Variants in TET1 observed in about 807,000 individuals in gnomAD.
TET1 encodes the protein tet methylcytosine dioxygenase 1.
Under a neutral mutation model 148.7 loss-of-function variants are expected in TET1, and 13 were observed. The observed-to-expected ratio is 0.09, with a 90% CI of 0.06 to 0.14. TET1 has a LOEUF of 0.14. TET1 is among the 10% of genes least tolerant of loss of function. The pLI is 1.00. For synonymous variants in TET1, 907 were observed against 937.2 expected, an observed-to-expected ratio of 0.97 and a Z score of 0.59; for missense variants, 2,182 against 2,553.8, an observed-to-expected ratio of 0.85 and a Z score of 3.14.
At chr10:68,659,277 G>C (rs1412299581) in intron 6 of TET1, among the ~76,000 whole-genome samples, 1 of 137,816 alleles carries the variant, frequency 7.3e-6, no homozygotes, top group Non-Finnish European at 1.6e-5. Flanking sequence ...GTTCCCCTCT[G>C]TGCGATTGTG....
intron 3 of TET1, among the ~76,000 whole-genome samples, chr10:68,614,253 T>A (rs1399703271): frequency 6.6e-6 from 1 of 152,196 alleles, no homozygotes; most frequent in Admixed American, 6.6e-5. Context: ...CTATGCATTA[T>A]CACAAATGAT....
At chr10:68,635,795 C>T (rs2054640913) in intron 3 of TET1, among the ~76,000 whole-genome samples, 1 of 152,052 alleles carries the variant, frequency 6.6e-6, no homozygotes, top group Non-Finnish European at 1.5e-5. Context: ...GTTTACAGAC[C>T]AGCCTAGGCA....
intron 11 of TET1, among the ~76,000 whole-genome samples, chr10:68,688,715 G>A (rs1452543799): frequency 6.6e-6 from 1 of 152,146 alleles, no homozygotes; most frequent in Non-Finnish European, 1.5e-5. Context: ...TGGGATTACA[G>A]GCGTGAGCCA....
chr10:68,669,262 A>G (rs199615542), intron 7 of TET1, among the ~76,000 whole-genome samples: 1 of 143,132 alleles, frequency 7.0e-6, no homozygotes, highest in African/African-American at 2.5e-5. Flanking sequence ...CAAAAAAAAA[A>G]CAGTTCACAA....
Position 68,651,884 on chromosome 10 carries a change from C to T in TET1, c.4315C>T (p.His1439Tyr). 1 of 1,613,890 alleles carries T rather than the reference C, an allele frequency of 6.2e-7. No individual in the cohort carries two copies. The highest frequency in any genetic ancestry group is 8.5e-7 in the Non-Finnish European group (1 of 1,179,938). The change falls in exon 5 of 12, where the codon CAC (histidine) becomes TAC (tyrosine). Residue 1439 changes from histidine (H) to tyrosine (Y), a missense_variant. Coordinates refer to ENST00000373644, the MANE Select transcript of TET1 (RefSeq NM_030625.3). ...AAAAGACAAAGGCCCATATTATACA[C>T]ACCTTGGGGCAGGACCAAGTGTTGC... is the stretch of plus-strand genomic sequence containing the variant. ...IQKDKGPYYT[H>Y]LGAGPSVAAV...
intron 3 of TET1, among the ~76,000 whole-genome samples, chr10:68,633,185 A>G (rs931542160): frequency 1.2e-4 from 18 of 151,986 alleles, no homozygotes; most frequent in African/African-American, 4.3e-4. Context: ...CCTCATCTCA[A>G]AAAAAACAAA....
chr10:68,641,657 C>T (rs2054756802), intron 3 of TET1, among the ~76,000 whole-genome samples: 1 of 56,758 alleles, frequency 1.8e-5, no homozygotes, highest in African/African-American at 5.2e-5. Context: ...CGCCACCCTG[C>T]CCGGCTAATT....
intron 1 of TET1, among the ~76,000 whole-genome samples, chr10:68,569,267 G>A (rs1225785776): frequency 1.3e-5 from 2 of 148,960 alleles, no homozygotes; most frequent in Non-Finnish European, 3.0e-5. Context: ...CTGCCTCCCG[G>A]GTTCACGCCA....
intron 10 of TET1, among the ~76,000 whole-genome samples, chr10:68,684,602 C>T (rs1418146627): frequency 6.6e-6 from 1 of 152,108 alleles, no homozygotes; most frequent in Non-Finnish European, 1.5e-5. Context: ...AGTTTCTCTT[C>T]TCTGCGCTCT....
At chr10:68,566,318 A>G (rs934995491) in intron 1 of TET1, among the ~76,000 whole-genome samples, 1 of 152,186 alleles carries the variant, frequency 6.6e-6, no homozygotes, top group Non-Finnish European at 1.5e-5. Context: ...GATTAAAATG[A>G]ATTGCTTTTT....
chr10:68,691,179 C>A lies in TET1; in HGVS notation c.5776C>A (p.Pro1926Thr), dbSNP rs867902572. 1 of 1,614,054 alleles carries A rather than the reference C, an allele frequency of 6.2e-7. No homozygotes were observed. Among genetic ancestry groups the A allele is most frequent in the Non-Finnish European group, 8.5e-7 (1 of 1,180,040 alleles). The change falls in exon 12 of 12, where the codon CCT (proline) becomes ACT (threonine). Residue 1926 changes from proline to threonine, a missense_variant. Physicochemically the swap from Pro to Thr is conservative, Grantham distance 38. Coordinates refer to ENST00000373644, the MANE Select transcript of TET1 (RefSeq NM_030625.3). This position sits in a 1 kb window ranked among gnomAD's most constrained non-coding sequence, Gnocchi z 4.4. ...PVMEPLINSE[P>T]STGVTEPLTP... ...GATGGAGCCCCTCATTAATTCTGAG[C>A]CTTCCACTGGTGTGACTGAGCCGCT... is the stretch of plus-strand genomic sequence containing the variant.
intron 7 of TET1, among the ~76,000 whole-genome samples, chr10:68,672,514 C>CA: frequency 1.0e-5 from 1 of 96,854 alleles, no homozygotes; most frequent in Admixed American, 1.0e-4. Context: ...AAAAAAAACA[C>CA]CAAAAAAAAA....
At position 68,686,701 on chromosome 10, in the gene TET1, A is replaced by G. The variant is rs2055516373; in HGVS notation, c.5398A>G (p.Thr1800Ala). The G allele has an allele frequency of 3.1e-6, 5 of 1,611,624 alleles. No homozygotes were observed. The Admixed American group carries it at 5.0e-5, about 16-fold the overall frequency. Residue 1800 changes from threonine to alanine, a missense_variant, in exon 11 of 12, where the codon ACC becomes GCC. This residue lies in a region of TET1 where 380 missense variants were observed against 387.9 expected (regional missense o/e 0.98). Coordinates refer to ENST00000373644, the MANE Select transcript of TET1 (RefSeq NM_030625.3). Reference sequence around the variant, plus strand: ...CAACAGTAAGCCTTCGTCACTGCCAACCTTAGGTGAGCCCTATGGAACCTG... The same window carrying G: ...CAACAGTAAGCCTTCGTCACTGCCAGCCTTAGGTGAGCCCTATGGAACCTG... ...TNNSKPSSLP[T>A]LGSNTETVQP... is the part of the protein sequence containing the mutation.
chr10:68,678,000 G>C (rs531387047), intron 8 of TET1, among the ~76,000 whole-genome samples: 1 of 151,216 alleles, frequency 6.6e-6, no homozygotes, highest in African/African-American at 2.4e-5. Flanking sequence ...TGAGGAGGGA[G>C]GCCACCCACC....
At chr10:68,560,964 C>T (rs1022127834) in intron 1 of TET1, among the ~76,000 whole-genome samples, 22 of 152,306 alleles carry the variant, frequency 1.4e-4, no homozygotes, top group African/African-American at 4.8e-4. Flanking sequence ...ACAATGCCCC[C>T]GGCCGGAGGT....
In TET1 at chr10:68,573,920, C is replaced by G; in HGVS notation, c.1582C>G (p.Leu528Val). The G allele has an allele frequency of 6.2e-7, 1 of 1,614,192 alleles. No individual in the cohort carries two copies. The highest frequency in any genetic ancestry group is 1.1e-5 in the South Asian group (1 of 91,082). Reference sequence around the variant, plus strand: ...TGAGAGAGGACTCTTCCATGCTTCACTGGGTATAGCCCAACTCTCTCAGGC... The same window carrying G: ...TGAGAGAGGACTCTTCCATGCTTCAGTGGGTATAGCCCAACTCTCTCAGGC... ...APERGLFHAS[L>V]GIAQLSQAGP... The change falls in exon 2 of 12, where the codon CTG becomes GTG. Residue 528 changes from leucine to valine, a missense_variant. Physicochemically the swap from Leu to Val is conservative, Grantham distance 32 (BLOSUM62 1). Transcript: ENST00000373644.
chr10:68,612,854 C>G (rs924488328), intron 3 of TET1, among the ~76,000 whole-genome samples: 3 of 152,134 alleles, frequency 2.0e-5, no homozygotes, highest in Non-Finnish European at 4.4e-5. Context: ...TTGAGCTCAA[C>G]TGATCTGCCC....
intron 3 of TET1, among the ~76,000 whole-genome samples, chr10:68,641,132 T>C: frequency 6.6e-6 from 1 of 151,800 alleles, no homozygotes; most frequent in East Asian, 1.9e-4. Context: ...TACAGAAAAG[T>C]TCGCCGAACC....
At chr10:68,594,598 C>A (rs2053956949) in intron 2 of TET1, among the ~76,000 whole-genome samples, 1 of 152,140 alleles carries the variant, frequency 6.6e-6, no homozygotes, top group African/African-American at 2.4e-5. Context: ...GACTATTACT[C>A]CACCCAGTCT....
Sources: gnomAD v4.1 joint callset for allele counts (sites outside exome capture counted in the v4.1 genomes callset) on GRCh38, gnomAD v4.1.1 for gene constraint, gnomAD v4.1.1 regional missense constraint, Gnocchi (gnomAD v3.1) non-coding constraint, MANE v1.5 for transcripts, NCBI Gene and HGNC (gene_info 2026-07-23, HGNC 2026-07-21) for gene names.